DCTN1: variants seen among roughly 807,000 people sequenced by gnomAD.
DCTN1 encodes dynactin subunit 1, also known as 150 kDa dynein-associated polypeptide.
A neutral mutation model predicts 161.2 loss-of-function variants in DCTN1; 61 were observed. The observed-to-expected ratio is 0.38, with a 90% CI of 0.31 to 0.47. DCTN1 has a LOEUF of 0.47. DCTN1 is among the 20% of genes least tolerant of loss of function. The pLI is 0.99. For synonymous variants in DCTN1, 653 were observed against 632.4 expected, an observed-to-expected ratio of 1.03 and a Z score of -0.49; for missense variants, 1,404 against 1,623.7, an observed-to-expected ratio of 0.86 and a Z score of 2.33.
At chr2:74,361,674 G>T in intron 31 of DCTN1, 38 bp from the exon 32 acceptor site, 2 of 1,613,910 alleles carry the variant, frequency 1.2e-6, no homozygotes, top group Non-Finnish European at 1.7e-6. Context: ...CCAGGTCAGG[G>T]GCTCACTTGA....
At chr2:74,383,081 CAA>C (rs1184829255), upstream of DCTN1, among the ~76,000 whole-genome samples, 2 of 99,358 alleles carry the variant, frequency 2.0e-5, no homozygotes, top group African/African-American at 3.8e-5. Flanking sequence ...GACTCCGTCT[CAA>C]AAAAAAAAAA....
chr2:74,366,523 A>AGT lies in DCTN1; in HGVS notation c.2562_2563dup (p.Leu855HisfsTer47). 1 of 1,614,186 alleles carries AGT rather than the reference A, an allele frequency of 6.2e-7. No individual in the cohort carries two copies. ...CACAAGTAGCCCCTCATTCTCTGCC[A>AGT]GTGGGGCAATGAGCTGGGCAGCAGC... On this transcript the variant is annotated frameshift_variant, in exon 22 of 32. Transcript: ENST00000628224. LOFTEE classifies it high-confidence loss of function.
chr2:74,377,394 CCTTT>C, intron 4 of DCTN1, 34 bp downstream of exon 4: 5 of 1,579,570 alleles, frequency 3.2e-6, no homozygotes, highest in Non-Finnish European at 4.4e-6. Context: ...CCTTCCCCTC[CCTTT>C]ATTATTCCCC....
At chr2:74,368,620 TAA>T in intron 16 of DCTN1, 106 bp downstream of exon 16, 1 of 1,504,608 alleles carries the variant, frequency 6.6e-7, no homozygotes, top group Non-Finnish European at 9.2e-7. Context: ...CACTATACCA[TAA>T]ACTCTTTGTG....
At chr2:74,391,864 G>A (rs926600494) in exon 1 of DCTN1, 23 of 452,598 alleles carry the variant, frequency 5.1e-5, no homozygotes, top group Non-Finnish European at 7.1e-5. Context: ...CTGCGGGGCC[G>A]GCCCCGCCCT....
chr2:74,381,708 G>A (rs1675518125), upstream of DCTN1, among the ~76,000 whole-genome samples: 1 of 152,086 alleles, frequency 6.6e-6, no homozygotes. Context: ...TTATCACTTG[G>A]TAGCTACATA....
upstream of DCTN1, among the ~76,000 whole-genome samples, chr2:74,382,292 G>A (rs1355027197): frequency 6.6e-6 from 1 of 152,138 alleles, no homozygotes; most frequent in African/African-American, 2.4e-5. Context: ...GTTCAAAAAA[G>A]CTAAAGCATA....
At chr2:74,371,955 AGG>A (rs1287684861) in intron 7 of DCTN1, 2 of 558,628 alleles carry the variant, frequency 3.6e-6, no homozygotes, top group Non-Finnish European at 6.4e-6. Context: ...ATGGAGGCAG[AGG>A]AGAGAGGGAG....
upstream of DCTN1, among the ~76,000 whole-genome samples, chr2:74,381,863 A>G (rs1675525220): frequency 6.6e-6 from 1 of 152,258 alleles, no homozygotes; most frequent in Admixed American, 6.5e-5. Context: ...CTGGTATTTA[A>G]TAAGTGCTAA....
chr2:74,367,096 A>AC lies in DCTN1; in HGVS notation c.2264dup (p.Ser755ArgfsTer39), dbSNP rs1674475931. ...CCTCCACACTCATGCAGTCCAGAGC[A>AC]CTCTGCGTGAACTGTGAGGATAGAA... On this transcript the variant is annotated frameshift_variant, in exon 20 of 32. Transcript: ENST00000628224. LOFTEE classifies it high-confidence loss of function. The AC allele has an allele frequency of 1.9e-6, 3 of 1,614,180 alleles. No homozygotes were observed. Among genetic ancestry groups the AC allele is most frequent in the Non-Finnish European group, 8.5e-7 (1 of 1,180,042 alleles).
intron 1 of DCTN1, among the ~76,000 whole-genome samples, chr2:74,389,715 C>T (rs1456740828): frequency 6.6e-6 from 1 of 152,154 alleles, no homozygotes; most frequent in African/African-American, 2.4e-5. Context: ...ATCATTTACC[C>T]TCTTTGGTGC....
At position 74,369,873 on chromosome 2, in the gene DCTN1, C is replaced by A; in HGVS notation, c.1392+92G>T. 2 of 1,280,310 alleles carry A rather than the reference C, an allele frequency of 1.6e-6. No individual in the cohort carries two copies. Among genetic ancestry groups the A allele is most frequent in the Non-Finnish European group, 2.3e-6 (2 of 883,294 alleles). The allele number at this position is 1,280,310 out of a possible 1,614,324, so 79.3% of individuals were successfully genotyped here. ...GGTAGCAAGCCCAGGCTGGGTCCCT[C>A]ACCGCACACCCTGCTCAAAGGCCAA... On this transcript the variant is annotated intron_variant, in intron 13 of 31. Transcript: ENST00000628224. The surrounding 1 kb of genome is among the most constrained non-coding windows in gnomAD (Gnocchi z 4.9).
chr2:74,380,092 G>C lies in DCTN1; in HGVS notation c.-55C>G. 1 of 1,605,414 alleles carries C rather than the reference G, an allele frequency of 6.2e-7. No individual in the cohort carries two copies. The highest frequency in any genetic ancestry group is 8.5e-7 in the Non-Finnish European group (1 of 1,173,124). ...CAGCTGGCCAAAGACAGAGAGAAAA[G>C]GTAGAAACCTAGGCAGGAGGGTCAG... On this transcript the variant is annotated 5_prime_UTR_variant, in exon 1 of 32. Coordinates refer to ENST00000628224, the MANE Select transcript of DCTN1 (RefSeq NM_004082.5).
chr2:74,387,837 T>A (rs1024688031), intron 1 of DCTN1, among the ~76,000 whole-genome samples: 3 of 152,208 alleles, frequency 2.0e-5, no homozygotes, highest in Non-Finnish European at 2.9e-5. Flanking sequence ...AAGTCTCCAG[T>A]GGCTTCTCTG....
chr2:74,368,080 A>G lies in DCTN1; in HGVS notation c.1906T>C (p.Cys636Arg). 6.2e-7 allele frequency: 1 copy of G among 1,608,994 alleles called. No individual in the cohort carries two copies. The highest frequency in any genetic ancestry group is 8.5e-7 in the Non-Finnish European group (1 of 1,177,458). Residue 636 changes from cysteine to arginine, a missense_variant, in exon 17 of 32, where the codon TGT (cysteine) becomes CGT (arginine). This residue lies in a region of DCTN1 where 475 missense variants were observed against 489.8 expected (regional missense o/e 0.97). Coordinates refer to ENST00000628224, the MANE Select transcript of DCTN1 (RefSeq NM_004082.5). ...AQEKFELSENCSERPGLRGAA... is the reference protein window; with the variant it reads ...AQEKFELSENRSERPGLRGAA... ...CCTCGCAGCCCAGGCCGCTCTGAAC[A>G]GTTCTCACTTAGTTCAAACTTCTCC... is the stretch of plus-strand genomic sequence containing the variant.
At chr2:74,364,789 G>GACA in intron 26 of DCTN1, 1 of 470,794 alleles carries the variant, frequency 2.1e-6, no homozygotes, top group Non-Finnish European at 3.9e-6. Context: ...GGGCAGAAAG[G>GACA]TCAGATTACA....
intron 16 of DCTN1, chr2:74,368,358 C>T (rs981228538): frequency 2.2e-5 from 14 of 640,636 alleles, no homozygotes; most frequent in Non-Finnish European, 3.7e-5. Context: ...GGTAGTGGGA[C>T]CGGTGGAATC....
At position 74,365,748 on chromosome 2, in the gene DCTN1, G is replaced by A. The variant is rs114625285; in HGVS notation, c.2887-91C>T. On this transcript the variant is annotated intron_variant, in intron 24 of 31. Coordinates refer to ENST00000628224, the MANE Select transcript of DCTN1 (RefSeq NM_004082.5). ...GACCATGAGATAGTAGGTTCCCTGA[G>A]GGCTCACCACAGCTCCCATTGATTG... 753 of 1,611,690 alleles carry A rather than the reference G, an allele frequency of 4.7e-4. 1 individual carries two copies. The African/African-American group carries it at 9.3e-3, about 20-fold the overall frequency.
chr2:74,386,430 G>A (rs964623995), intron 1 of DCTN1, among the ~76,000 whole-genome samples: 1 of 152,284 alleles, frequency 6.6e-6, no homozygotes, highest in Middle Eastern at 3.4e-3. Flanking sequence ...AAAGCACTTA[G>A]AACAGTGCCT....
Sources: allele counts gnomAD v4.1 joint callset (sites outside exome capture counted in the v4.1 genomes callset), GRCh38; gene constraint gnomAD v4.1.1; regional missense constraint gnomAD v4.1.1; non-coding constraint Gnocchi (gnomAD v3.1); transcripts MANE v1.5; gene names NCBI Gene and HGNC (gene_info 2026-07-23, HGNC 2026-07-21).